CTNNA2: variants seen among roughly 807,000 people sequenced by gnomAD.
The protein encoded by CTNNA2 is catenin alpha 2, also known as catenin alpha-2.
CTNNA2 carries 42 observed loss-of-function variants against 101.0 expected under a neutral mutation model. That is an observed-to-expected ratio of 0.42 (90% CI 0.32 to 0.54). CTNNA2 has a LOEUF of 0.54. Ranked by LOEUF, CTNNA2 falls within the 20% of genes least tolerant of loss-of-function variation. The pLI, the probability that CTNNA2 is intolerant of heterozygous loss-of-function variation, is 0.14. For synonymous variants in CTNNA2, 450 were observed against 456.4 expected, an observed-to-expected ratio of 0.99 and a Z score of 0.18; for missense variants, 871 against 1,223.1, an observed-to-expected ratio of 0.71 and a Z score of 4.29.
At chr2:79,206,591 G>T (rs1262672729) in intron 2 of CTNNA2, among the ~76,000 whole-genome samples, 2 of 151,968 alleles carry the variant, frequency 1.3e-5, no homozygotes, top group African/African-American at 4.8e-5. Flanking sequence ...CATCTTCTTT[G>T]TGTAGCAACT....
At chr2:79,480,152 A>G (rs1671093907) in intron 4 of CTNNA2, among the ~76,000 whole-genome samples, 1 of 151,976 alleles carries the variant, frequency 6.6e-6, no homozygotes, top group Admixed American at 6.6e-5. Context: ...GCTCTTTTTA[A>G]CAATCAGCTC....
intron 7 of CTNNA2, among the ~76,000 whole-genome samples, chr2:79,949,096 A>G (rs759950858): frequency 2.0e-5 from 3 of 152,240 alleles, no homozygotes; most frequent in Non-Finnish European, 4.4e-5. Flanking sequence ...TTATCTGAAC[A>G]AGAAAGATAT....
chr2:79,887,047 A>C (rs1339960354), intron 6 of CTNNA2, among the ~76,000 whole-genome samples: 2 of 151,888 alleles, frequency 1.3e-5, no homozygotes, highest in Non-Finnish European at 2.9e-5. Flanking sequence ...GAACTCCTGA[A>C]CTCAAGTGAT....
intron 7 of CTNNA2, among the ~76,000 whole-genome samples, chr2:80,079,882 T>TAAAATAAAATAAAATAAAAA (rs1553445210): frequency 4.0e-4 from 22 of 54,572 alleles, no homozygotes; most frequent in Admixed American, 3.8e-3. Context: ...TAAAATAAAA[T>TAAAATAAAATAAAATAAAAA]AATAAAATAA....
intron 15 of CTNNA2, among the ~76,000 whole-genome samples, chr2:80,593,068 G>A (rs1696650601): frequency 6.6e-6 from 1 of 152,144 alleles, no homozygotes; most frequent in African/African-American, 2.4e-5. Context: ...ATAATTATAT[G>A]ACTTGATGCT....
chr2:80,074,719 G>A (rs1190294979), intron 7 of CTNNA2, among the ~76,000 whole-genome samples: 1 of 152,108 alleles, frequency 6.6e-6, no homozygotes, highest in African/African-American at 2.4e-5. Context: ...AACAAGATGA[G>A]GTTCAAATGG....
Position 79,218,518 on chromosome 2 carries a change from G to A in CTNNA2, c.-406+20442G>A, listed in dbSNP as rs562931903. Reference sequence around the variant, plus strand: ...CTGTAAGTGTCAGTGAAAAAAGAATGTTTGTGAGTTAAGGAGTAGCAGTAG... The same window carrying A: ...CTGTAAGTGTCAGTGAAAAAAGAATATTTGTGAGTTAAGGAGTAGCAGTAG... On this transcript the variant is annotated intron_variant, in intron 2 of 21. Transcript: ENST00000466387. Among the ~76,000 whole-genome samples, 13 of 152,202 alleles carry A rather than the reference G, an allele frequency of 8.5e-5. No homozygotes were observed. In the East Asian group the frequency reaches 2.5e-3, roughly 30 times the overall value.
intron 2 of CTNNA2, among the ~76,000 whole-genome samples, chr2:79,300,696 T>G (rs148202561): frequency 2.6e-4 from 39 of 152,348 alleles, no homozygotes; most frequent in African/African-American, 9.4e-4. Context: ...TTCTCCCATT[T>G]CTAACTAGTT....
At chr2:80,058,567 T>C (rs1697375350) in intron 7 of CTNNA2, among the ~76,000 whole-genome samples, 1 of 152,190 alleles carries the variant, frequency 6.6e-6, no homozygotes, top group African/African-American at 2.4e-5. Context: ...GCAAAATGTG[T>C]TACTTATAGG....
chr2:80,288,246 G>C (rs1674941744), intron 7 of CTNNA2: 1 of 152,130 alleles, frequency 6.6e-6, no homozygotes, highest in Non-Finnish European at 1.5e-5. Flanking sequence ...TTAGAAAATT[G>C]CTTTGGGAAA....
chr2:79,704,860 A>G (rs956101216), intron 2 of CTNNA2, among the ~76,000 whole-genome samples: 1 of 152,044 alleles, frequency 6.6e-6, no homozygotes, highest in Non-Finnish European at 1.5e-5. Context: ...TTTCAAGCAG[A>G]GCCCTGCACT....
intron 1 of CTNNA2, among the ~76,000 whole-genome samples, chr2:79,519,544 T>G (rs1671992605): frequency 6.6e-6 from 1 of 152,196 alleles, no homozygotes; most frequent in Non-Finnish European, 1.5e-5. Flanking sequence ...TTGAGTGACT[T>G]AGACTTATAT....
chr2:80,199,223 A>G (rs1001455036), intron 7 of CTNNA2, among the ~76,000 whole-genome samples: 1 of 150,018 alleles, frequency 6.7e-6, no homozygotes, highest in East Asian at 2.0e-4. Flanking sequence ...ACTGCAGTAC[A>G]TAGTTGATAG....
chr2:79,449,242 C>A (rs1309945570), intron 4 of CTNNA2, among the ~76,000 whole-genome samples: 1 of 151,824 alleles, frequency 6.6e-6, no homozygotes, highest in Non-Finnish European at 1.5e-5. Context: ...TTTCCCATTT[C>A]AGTATGAGAG....
intron 7 of CTNNA2, among the ~76,000 whole-genome samples, chr2:80,190,614 G>A (rs566860535): frequency 6.6e-6 from 1 of 152,184 alleles, no homozygotes; most frequent in Non-Finnish European, 1.5e-5. Flanking sequence ...TGCCATACAG[G>A]GTTATTCTAA....
chr2:79,508,673 G>A (rs1671464191), upstream of CTNNA2, among the ~76,000 whole-genome samples: 1 of 151,842 alleles, frequency 6.6e-6, no homozygotes, highest in Non-Finnish European at 1.5e-5. Context: ...CTCTATTTAT[G>A]GACAACAGTG....
intron 2 of CTNNA2, among the ~76,000 whole-genome samples, chr2:79,701,828 C>G (rs1048428403): frequency 2.6e-5 from 4 of 151,788 alleles, no homozygotes; most frequent in African/African-American, 4.8e-5. Flanking sequence ...ATGGTGAAAC[C>G]CTGTCTCTAC....
intron 1 of CTNNA2, among the ~76,000 whole-genome samples, chr2:79,591,279 A>G (rs1676827395): frequency 6.6e-6 from 1 of 152,216 alleles, no homozygotes; most frequent in African/African-American, 2.4e-5. Flanking sequence ...GCTGTATCAA[A>G]AGATCATTTA....
At chr2:79,717,786 G>A (rs1686203239) in intron 2 of CTNNA2, among the ~76,000 whole-genome samples, 1 of 152,166 alleles carries the variant, frequency 6.6e-6, no homozygotes, top group African/African-American at 2.4e-5. Flanking sequence ...AGGGGGTAGG[G>A]CCAACGTCAG....
Sources: allele counts gnomAD v4.1 joint callset (sites outside exome capture counted in the v4.1 genomes callset), GRCh38; gene constraint gnomAD v4.1.1; transcripts MANE v1.5; gene names NCBI Gene and HGNC (gene_info 2026-07-23, HGNC 2026-07-21).